COX7C: variants seen among roughly 807,000 people sequenced by gnomAD.
COX7C encodes cytochrome c oxidase subunit 7C.
COX7C carries 1 observed loss-of-function variant against 6.4 expected under a neutral mutation model. The ratio of observed to expected loss-of-function variants is 0.16; its 90% CI spans 0.06 to 0.74. The LOEUF (loss-of-function observed/expected upper bound fraction) is 0.74, where lower values mean the gene tolerates loss of function less well. COX7C is among the 30% of genes least tolerant of loss of function. The pLI is 0.78. For synonymous variants in COX7C, 24 were observed against 28.9 expected (o/e 0.83, Z 0.54); for missense variants, 54 against 73.7 (o/e 0.73, Z 0.98).
intron 1 of COX7C, chr5:86,618,375 C>A: frequency 4.1e-6 from 2 of 489,370 alleles, no homozygotes; most frequent in Non-Finnish European, 7.4e-6. Context: ...GACGCCCCCT[C>A]CCCCGCCCCG....
chr5:86,618,095 G>T lies in COX7C; in HGVS notation c.40G>T (p.Val14Phe). The stretch of plus-strand genomic sequence containing the variant: ...CATCCGGAGGTTCACAACCTCTGTG[G>T]TCCGTAGGAGCCACTATGAGGAGGG... ...QSIRRFTTSVVRRSHYEEGPG... is the reference protein window; with the variant it reads ...QSIRRFTTSVFRRSHYEEGPG... Residue 14 changes from valine to phenylalanine, a missense_variant, in exon 1 of 3, where the codon GTC becomes TTC. Physicochemically the swap from Val to Phe is conservative, Grantham distance 50. Coordinates refer to ENST00000247655, the MANE Select transcript of COX7C (RefSeq NM_001867.3). 1 of 1,614,124 alleles carries T rather than the reference G, an allele frequency of 6.2e-7. No homozygotes were observed.
intron 1 of COX7C, 27 bp downstream of exon 1, chr5:86,618,157 T>C (rs2112175927): frequency 3.1e-6 from 5 of 1,610,950 alleles, no homozygotes; most frequent in African/African-American, 1.3e-5. Context: ...CACGGCTTCG[T>C]TGGGGGAGGG....
Position 86,618,009 on chromosome 5 carries a change from C to G in COX7C, c.-47C>G. The stretch of plus-strand genomic sequence containing the variant: ...AGGTCTTGGTGAGGTGCCGCCATTT[C>G]ATCTGTCCTCATTCTCTGCGCCTTT... On this transcript the variant is annotated 5_prime_UTR_variant, in exon 1 of 3. Transcript: ENST00000247655. 6.3e-7 allele frequency: 1 copy of G among 1,590,284 alleles called. No individual in the cohort carries two copies. Among genetic ancestry groups the G allele is most frequent in the Non-Finnish European group, 8.6e-7 (1 of 1,160,050 alleles).
intron 2 of COX7C, chr5:86,620,323 T>A (rs1268688259): frequency 1.3e-5 from 2 of 155,662 alleles, no homozygotes; most frequent in Non-Finnish European, 2.9e-5. Context: ...TATGTTAATA[T>A]ATGCTCAAAG....
chr5:86,620,549 T>C (rs982299329), intron 2 of COX7C, 119 bp from the exon 3 acceptor site: 2 of 335,998 alleles, frequency 6.0e-6, no homozygotes, highest in East Asian at 7.8e-5. Context: ...TTCATGATAC[T>C]GTAAACGCTT....
At chr5:86,618,368 G>T (rs575118306) in intron 1 of COX7C, 2 of 496,696 alleles carry the variant, frequency 4.0e-6, no homozygotes, top group East Asian at 7.4e-5. Context: ...GCCACCTGAC[G>T]CCCCCTCCCC....
chr5:86,619,376 C>A lies in COX7C; in HGVS notation c.99C>A (p.Asn33Lys). ...AGAATTTGCCATTTTCAGTGGAAAACAAGTGGTCGTTACTAGCTAAGATGT... is the reference window on the plus strand; with the variant it reads ...AGAATTTGCCATTTTCAGTGGAAAAAAAGTGGTCGTTACTAGCTAAGATGT... ...PGKNLPFSVE[N>K]KWSLLAKMCL... The change falls in exon 2 of 3, where the codon AAC becomes AAA. Residue 33 changes from asparagine to lysine, a missense_variant. Transcript: ENST00000247655. 1.2e-6 allele frequency: 2 copies of A among 1,612,640 alleles called. No individual in the cohort carries two copies. Among genetic ancestry groups the A allele is most frequent in the Non-Finnish European group, 1.7e-6 (2 of 1,179,540 alleles).
chr5:86,618,601 C>CT, intron 1 of COX7C, among the ~76,000 whole-genome samples: 1 of 152,248 alleles, frequency 6.6e-6, no homozygotes, highest in East Asian at 1.9e-4. Flanking sequence ...GTGTAAATAA[C>CT]TTAAACCACA....
In COX7C at chr5:86,618,139, G is replaced by C; in HGVS notation, c.75+9G>C. On this transcript the variant is annotated intron_variant, in intron 1 of 2. Coordinates refer to ENST00000247655, the MANE Select transcript of COX7C (RefSeq NM_001867.3). ...AGGAGGGCCCTGGGAAGGTTAGTGTGTAAGGGGCACGGCTTCGTTGGGGGA... is the reference window on the plus strand; with the variant it reads ...AGGAGGGCCCTGGGAAGGTTAGTGTCTAAGGGGCACGGCTTCGTTGGGGGA... The C allele has an allele frequency of 6.2e-7, 1 of 1,613,944 alleles. No individual in the cohort carries two copies. Among genetic ancestry groups the C allele is most frequent in the Non-Finnish European group, 8.5e-7 (1 of 1,179,878 alleles).
chr5:86,618,029 G>C lies in COX7C; in HGVS notation c.-27G>C. On this transcript the variant is annotated 5_prime_UTR_variant, in exon 1 of 3. Transcript: ENST00000247655. ...CATTTCATCTGTCCTCATTCTCTGCGCCTTTCGCAGAGCTTCCAGCAGCGG... is the reference window on the plus strand; with the variant it reads ...CATTTCATCTGTCCTCATTCTCTGCCCCTTTCGCAGAGCTTCCAGCAGCGG... The C allele has an allele frequency of 3.7e-6, 6 of 1,611,906 alleles. No individual in the cohort carries two copies. The highest frequency in any genetic ancestry group is 5.1e-6 in the Non-Finnish European group (6 of 1,179,040).
intron 1 of COX7C, chr5:86,618,424 A>C: frequency 2.5e-6 from 1 of 399,644 alleles, no homozygotes; most frequent in South Asian, 2.7e-5. Flanking sequence ...CCACGGCTGT[A>C]GGTGTGTTGG....
rs1451755514 is a variant in COX7C, at chr5:86,620,493, C to T, written c.*28-175C>T. 1.2e-5 allele frequency: 3 copies of T among 246,704 alleles called. No homozygotes were observed. The South Asian group carries it at 1.2e-4, about 10-fold the overall frequency. 15.3% of individuals were successfully genotyped at this position (246,704 alleles called of 1,614,324 possible). On this transcript the variant is annotated intron_variant, in intron 2 of 2. Coordinates refer to ENST00000247655, the MANE Select transcript of COX7C (RefSeq NM_001867.3). ...GAATAACTTATCCAAGCTACTAATG[C>T]GGAAAGGTTGCGGTGCATGTGATGA...
At position 86,618,404 on chromosome 5, in the gene COX7C, C is replaced by T. The variant is rs1750046860; in HGVS notation, c.75+274C>T. Reference sequence around the variant, plus strand: ...CGCCCCGCAGAAAGCCCTGAGATGGCTCCGGGAGGCCACGGCTGTAGGTGT... The same window carrying T: ...CGCCCCGCAGAAAGCCCTGAGATGGTTCCGGGAGGCCACGGCTGTAGGTGT... On this transcript the variant is annotated intron_variant, in intron 1 of 2. Coordinates refer to ENST00000247655, the MANE Select transcript of COX7C (RefSeq NM_001867.3). 3.8e-5 allele frequency: 17 copies of T among 448,462 alleles called. 1 individual carries two copies. In the South Asian group the frequency reaches 4.1e-4, roughly 11 times the overall value. 27.8% of individuals were successfully genotyped at this position (448,462 alleles called of 1,614,324 possible).
At position 86,619,320 on chromosome 5, in the gene COX7C, A is replaced by G. The variant is rs773502819; in HGVS notation, c.76-33A>G. ...TATTAAGCAGATGATTTGAGATTCAATTTCGATTACTTTTTCTCTTTTTTT... is the reference window on the plus strand; with the variant it reads ...TATTAAGCAGATGATTTGAGATTCAGTTTCGATTACTTTTTCTCTTTTTTT... On this transcript the variant is annotated intron_variant, in intron 1 of 2. Transcript: ENST00000247655. 9.1e-6 allele frequency: 12 copies of G among 1,314,152 alleles called. No individual in the cohort carries two copies. In the African/African-American group the frequency reaches 1.2e-4, roughly 13 times the overall value. The allele number at this position is 1,314,152 out of a possible 1,614,324, so 81.4% of individuals were successfully genotyped here.
At position 86,620,918 on chromosome 5, in the gene COX7C, G is replaced by A. The variant is rs1750107120; in HGVS notation, c.*278G>A. ...TATTAAATTTTTGATTCCCAGGTCA[G>A]GATTTTGTTGGTAATTTATATAATA... On this transcript the variant is annotated 3_prime_UTR_variant, in exon 3 of 3. Transcript: ENST00000247655. 6.6e-6 allele frequency: 1 copy of A among 152,530 alleles called. No homozygotes were observed. The highest frequency in any genetic ancestry group is 2.4e-5 in the African/African-American group (1 of 41,272). 9.4% of individuals were successfully genotyped at this position (152,530 alleles called of 1,614,324 possible).
In COX7C at chr5:86,620,779, CTT is replaced by C. The variant is rs1252779027; in HGVS notation, c.*144_*145del. ...CTTATGACGTGAATGCTTAATGCCT[CTT>C]TTTTGAAATAGGGAATGTAATAATT... On this transcript the variant is annotated 3_prime_UTR_variant, in exon 3 of 3. Transcript: ENST00000247655. The C allele has an allele frequency of 3.7e-6, 1 of 266,760 alleles. No individual in the cohort carries two copies. Among genetic ancestry groups the C allele is most frequent in the Non-Finnish European group, 8.2e-6 (1 of 122,244 alleles). The allele number at this position is 266,760 out of a possible 1,614,324, so 16.5% of individuals were successfully genotyped here.
Position 86,620,748 on chromosome 5 carries a change from A to C in COX7C, c.*108A>C, listed in dbSNP as rs900358635. The C allele has an allele frequency of 1.2e-5, 4 of 322,074 alleles. No individual in the cohort carries two copies. Among genetic ancestry groups the C allele is most frequent in the African/African-American group, 6.5e-5 (3 of 46,356 alleles). 20.0% of individuals were successfully genotyped at this position (322,074 alleles called of 1,614,324 possible). On this transcript the variant is annotated 3_prime_UTR_variant, in exon 3 of 3. Transcript: ENST00000247655. ...ATATGCCATACTAGATATGTTTGTCAATAAACTTATGACGTGAATGCTTAA... is the reference window on the plus strand; with the variant it reads ...ATATGCCATACTAGATATGTTTGTCCATAAACTTATGACGTGAATGCTTAA...
chr5:86,618,204 C>T (rs1267124584), intron 1 of COX7C, 74 bp downstream of exon 1: 79 of 1,401,270 alleles, frequency 5.6e-5, no homozygotes, highest in Non-Finnish European at 7.6e-5. Context: ...GCAAGGCCGC[C>T]TCCGGGCTGT....
chr5:86,618,055 T>A lies in COX7C; in HGVS notation c.-1T>A. 6.2e-7 allele frequency: 1 copy of A among 1,613,342 alleles called. No homozygotes were observed. Among genetic ancestry groups the A allele is most frequent in the Non-Finnish European group, 8.5e-7 (1 of 1,179,858 alleles). On this transcript the variant is annotated 5_prime_UTR_variant, in exon 1 of 3. Coordinates refer to ENST00000247655, the MANE Select transcript of COX7C (RefSeq NM_001867.3). ...CCTTTCGCAGAGCTTCCAGCAGCGGTATGTTGGGCCAGAGCATCCGGAGGT... is the reference window on the plus strand; with the variant it reads ...CCTTTCGCAGAGCTTCCAGCAGCGGAATGTTGGGCCAGAGCATCCGGAGGT...
Sources: allele counts gnomAD v4.1 joint callset (sites outside exome capture counted in the v4.1 genomes callset), GRCh38; gene constraint gnomAD v4.1.1; transcripts MANE v1.5; gene names NCBI Gene and HGNC (gene_info 2026-07-23, HGNC 2026-07-21).